The following BICD1 variants were observed in gnomAD, a reference collection of about 807,000 sequenced individuals.
BICD1 encodes the protein BICD cargo adaptor 1.
Under a neutral mutation model 92.5 loss-of-function variants are expected in BICD1, and 35 were observed. The ratio of observed to expected loss-of-function variants is 0.38; its 90% CI spans 0.29 to 0.50. BICD1 has a LOEUF of 0.50. Among genes scored for constraint, BICD1 ranks in the 20% least tolerant of loss-of-function variants. The pLI, the probability that BICD1 is intolerant of heterozygous loss-of-function variation, is 0.93. For synonymous variants in BICD1, 429 were observed against 465.1 expected (o/e 0.92, Z 1.00); for missense variants, 950 against 1,189.8 (o/e 0.80, Z 2.97).
intron 1 of BICD1, among the ~76,000 whole-genome samples, chr12:32,174,154 T>C (rs975134634): frequency 2.6e-5 from 4 of 152,210 alleles, no homozygotes; most frequent in Non-Finnish European, 4.4e-5. Context: ...CCTTCTGTAC[T>C]CTTTCTCTGT....
chr12:32,273,509 C>T (rs915441083), intron 2 of BICD1, among the ~76,000 whole-genome samples: 2 of 152,134 alleles, frequency 1.3e-5, no homozygotes, highest in Non-Finnish European at 2.9e-5. Flanking sequence ...TATCTGTTTT[C>T]AGGGAAGCCA....
At chr12:32,222,331 C>G (rs957664297) in intron 2 of BICD1, among the ~76,000 whole-genome samples, 1 of 152,158 alleles carries the variant, frequency 6.6e-6, no homozygotes, top group East Asian at 1.9e-4. Flanking sequence ...TATTGAGTGC[C>G]AGACACTGTT....
chr12:32,111,171 T>G (rs1044246043), intron 1 of BICD1, among the ~76,000 whole-genome samples: 2 of 152,220 alleles, frequency 1.3e-5, no homozygotes, highest in Non-Finnish European at 2.9e-5. Context: ...TATGCACTAA[T>G]GAGCTTCAAC....
chr12:32,375,893 C>T (rs1592735234), intron 9 of BICD1, among the ~76,000 whole-genome samples: 1 of 152,138 alleles, frequency 6.6e-6, no homozygotes, highest in East Asian at 1.9e-4. Flanking sequence ...TTTTAATTAG[C>T]TTTAAAAAGC....
chr12:32,211,364 T>A (rs1945209637), intron 1 of BICD1, among the ~76,000 whole-genome samples: 1 of 152,230 alleles, frequency 6.6e-6, no homozygotes, highest in Non-Finnish European at 1.5e-5. Context: ...GGAATAAATA[T>A]GAATGGAGGA....
intron 1 of BICD1, among the ~76,000 whole-genome samples, chr12:32,152,524 C>G (rs1447060127): frequency 6.6e-6 from 1 of 152,132 alleles, no homozygotes; most frequent in Non-Finnish European, 1.5e-5. Context: ...ATGCACCTGG[C>G]TGAGGCTGGT....
intron 3 of BICD1, among the ~76,000 whole-genome samples, chr12:32,298,293 G>A (rs1947929947): frequency 6.6e-6 from 1 of 152,122 alleles, no homozygotes; most frequent in Admixed American, 6.5e-5. Context: ...TGGGTGCAAT[G>A]GCTGATGCCT....
chr12:32,282,854 G>A (rs567610496), intron 2 of BICD1, among the ~76,000 whole-genome samples: 2 of 152,326 alleles, frequency 1.3e-5, no homozygotes, highest in South Asian at 2.1e-4. Context: ...CAATGACAAC[G>A]TGCAAGTTGT....
In BICD1 at chr12:32,377,551, C is replaced by T. The variant is rs749237150; in HGVS notation, c.2852C>T (p.Ala951Val). ...TTTCTCCTTTCCAGTCCTGACACAGCTCTCCCTGAGGAGCAGCCACATTCC... is the reference window on the plus strand; with the variant it reads ...TTTCTCCTTTCCAGTCCTGACACAGTTCTCCCTGAGGAGCAGCCACATTCC... ...QDCPTVSPDT[A>V]LPEEQPHSSS... Residue 951 changes from alanine (A) to valine (V), a missense_variant, in exon 10 of 10, where the codon GCT becomes GTT. Physicochemically the swap from Ala to Val is moderately conservative, Grantham distance 64 (BLOSUM62 0). Coordinates refer to ENST00000652176, the MANE Select transcript of BICD1 (RefSeq NM_001714.4). The T allele has an allele frequency of 1.6e-5, 26 of 1,613,968 alleles. No homozygotes were observed. The Middle Eastern group carries it at 4.9e-4, about 31-fold the overall frequency.
intron 2 of BICD1, among the ~76,000 whole-genome samples, chr12:32,255,114 T>A (rs1035323290): frequency 6.6e-6 from 1 of 152,112 alleles, no homozygotes; most frequent in African/African-American, 2.4e-5. Flanking sequence ...TCTTCCTGCT[T>A]GTGACAGCCA....
At chr12:32,356,426 C>T (rs890484045) in intron 8 of BICD1, among the ~76,000 whole-genome samples, 1 of 151,964 alleles carries the variant, frequency 6.6e-6, no homozygotes. Flanking sequence ...CTGAGGCGAG[C>T]GGATCGTTTG....
intron 2 of BICD1, among the ~76,000 whole-genome samples, chr12:32,258,648 T>A (rs2136121952): frequency 6.6e-6 from 1 of 152,138 alleles, no homozygotes; most frequent in East Asian, 1.9e-4. Context: ...AAGTGATTGA[T>A]AAGGTCAAGC....
At chr12:32,295,548 A>G (rs1472901257) in intron 3 of BICD1, among the ~76,000 whole-genome samples, 2 of 150,276 alleles carry the variant, frequency 1.3e-5, no homozygotes, top group African/African-American at 4.9e-5. Flanking sequence ...TGGTATCTAC[A>G]TGATACACTG....
chr12:32,109,862 AC>A (rs1259454702), intron 1 of BICD1, among the ~76,000 whole-genome samples: 1 of 152,094 alleles, frequency 6.6e-6, no homozygotes, highest in African/African-American at 2.4e-5. Flanking sequence ...AATTGTGCAA[AC>A]TGAGGTGTTC....
intron 1 of BICD1, among the ~76,000 whole-genome samples, chr12:32,149,009 G>A (rs572812917): frequency 3.1e-3 from 281 of 90,742 alleles, no homozygotes; most frequent in South Asian, 7.3e-3. Flanking sequence ...GACGAAGTGA[G>A]GCTCTGTCTC....
intron 2 of BICD1, among the ~76,000 whole-genome samples, chr12:32,280,475 T>A (rs1445192583): frequency 6.6e-6 from 1 of 152,170 alleles, no homozygotes; most frequent in Non-Finnish European, 1.5e-5. Flanking sequence ...TAATGGAAGA[T>A]AAGGGATATT....
At position 32,338,954 on chromosome 12, in the gene BICD1, A is replaced by G. The variant is rs563274091; in HGVS notation, c.2739A>G (p.Glu913=). 5.6e-6 allele frequency: 9 copies of G among 1,601,596 alleles called. No homozygotes were observed. Among genetic ancestry groups the G allele is most frequent in the East Asian group, 4.6e-5 (2 of 43,838 alleles). ...TCCAAGGGCACCGGCTCAGCAAGGA[A>G]AAAAGGTTAACCGTGGCTCCACCAG... ...EFIQGHRLSK[E]KRLTVAPPDC... Residue 913 remains glutamate, a synonymous_variant, in exon 8 of 10, where the codon GAA becomes GAG. Coordinates refer to ENST00000652176, the MANE Select transcript of BICD1 (RefSeq NM_001714.4).
At chr12:32,152,058 G>T (rs1943304624) in intron 1 of BICD1, among the ~76,000 whole-genome samples, 1 of 152,016 alleles carries the variant, frequency 6.6e-6, no homozygotes, top group Non-Finnish European at 1.5e-5. Context: ...CCGGGTTCAC[G>T]TGATTCTCCT....
chr12:32,326,511 T>A (rs1948780574), intron 4 of BICD1, among the ~76,000 whole-genome samples: 1 of 152,254 alleles, frequency 6.6e-6, no homozygotes, highest in Non-Finnish European at 1.5e-5. Context: ...AATTCCTATT[T>A]TGGACTGAAG....
Sources: gnomAD v4.1 joint callset for allele counts (sites outside exome capture counted in the v4.1 genomes callset) on GRCh38, gnomAD v4.1.1 for gene constraint, MANE v1.5 for transcripts, NCBI Gene and HGNC (gene_info 2026-07-23, HGNC 2026-07-21) for gene names.